PRKAG2: variants seen among roughly 807,000 people sequenced by gnomAD.
The protein encoded by PRKAG2 is protein kinase AMP-activated non-catalytic subunit gamma 2.
In PRKAG2, 26 loss-of-function variants were observed where a neutral mutation model predicts 69.6. The observed-to-expected ratio is 0.37, with a 90% CI of 0.27 to 0.52. The LOEUF (loss-of-function observed/expected upper bound fraction) is 0.52, where lower values mean the gene tolerates loss of function less well. Ranked by LOEUF, PRKAG2 falls within the 20% of genes least tolerant of loss-of-function variation. The pLI is 0.90. For missense variants in PRKAG2, 557 were observed against 740.0 expected (o/e 0.75, Z 2.87); for synonymous variants, 293 against 285.0 (o/e 1.03, Z -0.28).
chr7:151,715,576 G>A (rs1000823194), intron 3 of PRKAG2, among the ~76,000 whole-genome samples: 2 of 151,930 alleles, frequency 1.3e-5, no homozygotes, highest in Non-Finnish European at 2.9e-5. Flanking sequence ...GGCTGGTCTC[G>A]AACTCCTGAC....
chr7:151,610,225 C>T (rs117957560), intron 5 of PRKAG2, among the ~76,000 whole-genome samples: 4,990 of 151,926 alleles, frequency 0.033, 113 homozygotes, highest in Middle Eastern at 0.051. Context: ...CAAAATTATC[C>T]GGGCATGGTG....
chr7:151,803,575 GAT>G (rs947269679), intron 1 of PRKAG2, among the ~76,000 whole-genome samples: 3 of 152,128 alleles, frequency 2.0e-5, no homozygotes, highest in Admixed American at 6.6e-5. Context: ...AGTTGAAAAT[GAT>G]ATCCTACTCC....
chr7:151,841,890 G>A (rs1252172736), intron 1 of PRKAG2, among the ~76,000 whole-genome samples: 1 of 148,994 alleles, frequency 6.7e-6, no homozygotes, highest in Non-Finnish European at 1.5e-5. Context: ...TAGTAGTGAT[G>A]GTAGGTAGTG....
At chr7:151,751,906 G>A (rs931288197) in intron 3 of PRKAG2, among the ~76,000 whole-genome samples, 7 of 152,136 alleles carry the variant, frequency 4.6e-5, no homozygotes, top group Admixed American at 1.3e-4. Flanking sequence ...ACATGCACAC[G>A]TAAACACTAT....
At chr7:151,645,799 G>T (rs899841874) in intron 4 of PRKAG2, among the ~76,000 whole-genome samples, 1 of 152,156 alleles carries the variant, frequency 6.6e-6, no homozygotes, top group Non-Finnish European at 1.5e-5. Context: ...CCAAGGTTGT[G>T]AGGATTGTCT....
intron 1 of PRKAG2, among the ~76,000 whole-genome samples, chr7:151,858,862 G>C (rs762645759): frequency 3.3e-5 from 5 of 152,134 alleles, no homozygotes; most frequent in Non-Finnish European, 7.4e-5. Context: ...AAGATGAACG[G>C]AACACGAATT....
At chr7:151,714,370 C>T (rs1795810086) in intron 3 of PRKAG2, among the ~76,000 whole-genome samples, 1 of 151,878 alleles carries the variant, frequency 6.6e-6, no homozygotes, top group Admixed American at 6.6e-5. Context: ...ACGCTGCCGT[C>T]CTCCCATCCG....
intron 5 of PRKAG2, among the ~76,000 whole-genome samples, chr7:151,617,992 T>A (rs1194769877): frequency 1.3e-5 from 2 of 152,154 alleles, no homozygotes; most frequent in Admixed American, 1.3e-4. Flanking sequence ...AGAAGAGGAA[T>A]GTGACAGTCA....
chr7:151,652,335 G>C (rs749632700), intron 4 of PRKAG2, among the ~76,000 whole-genome samples: 51 of 152,294 alleles, frequency 3.3e-4, no homozygotes, highest in Non-Finnish European at 6.5e-4. Flanking sequence ...ACCGGGTGCT[G>C]AAGCAGATCT....
chr7:151,576,200 C>A (rs1303217123), intron 7 of PRKAG2, 171 bp downstream of exon 7: 2 of 715,874 alleles, frequency 2.8e-6, no homozygotes, highest in Non-Finnish European at 2.4e-6. Flanking sequence ...CTTGGCCTCC[C>A]AAAGTGCTGA....
intron 1 of PRKAG2, among the ~76,000 whole-genome samples, chr7:151,818,436 C>G (rs997423706): frequency 6.6e-6 from 1 of 152,190 alleles, no homozygotes; most frequent in Admixed American, 6.6e-5. Flanking sequence ...GCCAAGCTCA[C>G]GTCCCTGCGA....
intron 9 of PRKAG2, among the ~76,000 whole-genome samples, chr7:151,571,666 C>T (rs1807614354): frequency 6.6e-6 from 1 of 152,196 alleles, no homozygotes; most frequent in Non-Finnish European, 1.5e-5. Flanking sequence ...GTTACACAAT[C>T]ACTGCACAAC....
chr7:151,557,521 T>C (rs1804004089), intron 15 of PRKAG2: 24 of 984,912 alleles, frequency 2.4e-5, no homozygotes, highest in Non-Finnish European at 2.8e-5. Flanking sequence ...TATGTAGGTA[T>C]GTTTTAGTGA....
intron 1 of PRKAG2, among the ~76,000 whole-genome samples, chr7:151,801,455 T>C (rs1374008817): frequency 6.6e-6 from 1 of 152,084 alleles, no homozygotes; most frequent in Non-Finnish European, 1.5e-5. Flanking sequence ...TACAGAGGGC[T>C]CCAGATGGAG....
At chr7:151,837,744 ACT>A (rs1363397576) in intron 1 of PRKAG2, among the ~76,000 whole-genome samples, 37 of 152,222 alleles carry the variant, frequency 2.4e-4, no homozygotes, top group Admixed American at 3.3e-4. Flanking sequence ...TCTATTAATC[ACT>A]GTTTCTGGCT....
rs1399901699 is a variant in PRKAG2 at position 151,807,681 on chromosome 7, C to G, written c.115-21140G>C. 8 of 446,716 alleles carry G rather than the reference C, an allele frequency of 1.8e-5. No individual in the cohort carries two copies. The highest frequency in any genetic ancestry group is 7.9e-5 in the South Asian group (5 of 63,470). 27.7% of individuals were successfully genotyped at this position (446,716 alleles called of 1,614,324 possible). A position where few individuals can be genotyped will look rare whatever the true frequency, so the allele number is the denominator to read the frequency against. On this transcript the variant is annotated intron_variant, in intron 1 of 15. Coordinates refer to ENST00000287878, the MANE Select transcript of PRKAG2 (RefSeq NM_016203.4). This position sits in a 1 kb window ranked among gnomAD's most constrained non-coding sequence, Gnocchi z 4.4. ...ATGTCCCAAACCTACACAACCGTTT[C>G]CACTGCCTATTCCCGGGCCCCTCAC...
chr7:151,582,455 T>C (rs1047195187), intron 6 of PRKAG2, among the ~76,000 whole-genome samples: 2 of 152,078 alleles, frequency 1.3e-5, no homozygotes, highest in Non-Finnish European at 2.9e-5. Context: ...CCCAGCCCAA[T>C]GGCAAGGTTT....
intron 3 of PRKAG2, among the ~76,000 whole-genome samples, chr7:151,745,832 G>A (rs1441434776): frequency 3.3e-5 from 5 of 152,158 alleles, no homozygotes; most frequent in Admixed American, 2.0e-4. Flanking sequence ...TGGAGGGCTC[G>A]GTGGGGCCCT....
chr7:151,573,056 T>A (rs1335643074), intron 8 of PRKAG2, among the ~76,000 whole-genome samples: 1 of 151,794 alleles, frequency 6.6e-6, no homozygotes, highest in African/African-American at 2.4e-5. Flanking sequence ...GAGGTTGCAG[T>A]GAGCCGAGAT....
Sources: gnomAD v4.1 joint callset for allele counts (sites outside exome capture counted in the v4.1 genomes callset) on GRCh38, gnomAD v4.1.1 for gene constraint, Gnocchi (gnomAD v3.1) non-coding constraint, MANE v1.5 for transcripts, NCBI Gene and HGNC (gene_info 2026-07-23, HGNC 2026-07-21) for gene names.